SARAF: variants seen among roughly 807,000 people sequenced by gnomAD.
SARAF encodes the protein store-operated calcium entry-associated regulatory factor.
A neutral mutation model predicts 39.7 loss-of-function variants in SARAF; 23 were observed. The observed-to-expected ratio is 0.58, with a 90% CI of 0.42 to 0.82. The LOEUF (loss-of-function observed/expected upper bound fraction) is 0.82. SARAF is among the 40% of genes least tolerant of loss of function. The pLI, the probability that SARAF is intolerant of heterozygous loss-of-function variation, is 0.00. For missense variants in SARAF, 384 were observed against 418.5 expected, an observed-to-expected ratio of 0.92 and a Z score of 0.72; for synonymous variants, 175 against 168.5, an observed-to-expected ratio of 1.04 and a Z score of -0.30.
intron 2 of SARAF, among the ~76,000 whole-genome samples, chr8:30,071,626 C>T (rs1217014230): frequency 6.6e-6 from 1 of 152,196 alleles, no homozygotes; most frequent in East Asian, 1.9e-4. Context: ...ACTCTCCATT[C>T]TCCCGCCGCA....
At chr8:30,064,156 A>G (rs980616445) in intron 5 of SARAF, among the ~76,000 whole-genome samples, 3 of 152,100 alleles carry the variant, frequency 2.0e-5, no homozygotes, top group African/African-American at 7.2e-5. Context: ...GACCCCAAAA[A>G]AGAGAATGCA....
chr8:30,074,021 G>C lies in SARAF; in HGVS notation c.138C>G (p.Thr46=), dbSNP rs771378394. ...RMLLRDVKAL[T]LHYDRYTTSR... The stretch of plus-strand genomic sequence containing the variant: ...AGGTGGTATAGCGGTCATAGTGGAG[G>C]GTAAGAGCTTTTACATCCCGCAGCA... The change falls in exon 2 of 6, where the codon ACC becomes ACG. Residue 46 remains threonine (T), a synonymous_variant. Transcript: ENST00000256255. 2 of 1,613,680 alleles carry C rather than the reference G, an allele frequency of 1.2e-6. No homozygotes were observed. The highest frequency in any genetic ancestry group is 1.1e-5 in the South Asian group (1 of 91,058).
At chr8:30,072,424 G>A (rs1041157376) in intron 2 of SARAF, among the ~76,000 whole-genome samples, 1 of 152,102 alleles carries the variant, frequency 6.6e-6, no homozygotes, top group African/African-American at 2.4e-5. Flanking sequence ...ATAGTCAAAA[G>A]TTTTTCATTT....
At chr8:30,075,457 A>T (rs1801936643) in intron 1 of SARAF, among the ~76,000 whole-genome samples, 1 of 152,248 alleles carries the variant, frequency 6.6e-6, no homozygotes, top group Admixed American at 6.5e-5. Flanking sequence ...GCAAAGCAAA[A>T]GGAATCCCAA....
intron 1 of SARAF, 118 bp downstream of exon 1, chr8:30,082,729 G>A: frequency 1.4e-6 from 1 of 720,932 alleles, no homozygotes; most frequent in Non-Finnish European, 2.2e-6. Context: ...GTCAGACATG[G>A]GGAATCCGGG....
At chr8:30,072,554 G>A (rs548777644) in intron 2 of SARAF, among the ~76,000 whole-genome samples, 1 of 152,252 alleles carries the variant, frequency 6.6e-6, no homozygotes, top group East Asian at 1.9e-4. Flanking sequence ...ACTTGTATTG[G>A]TATTTCATGT....
Position 30,070,082 on chromosome 8 carries a change from A to G in SARAF, c.283-23T>C, listed in dbSNP as rs112878640. 5.5e-4 allele frequency: 866 copies of G among 1,562,298 alleles called. 2 individuals carry two copies. The African/African-American group carries it at 9.9e-3, about 18-fold the overall frequency. On this transcript the variant is annotated intron_variant, in intron 2 of 5. Coordinates refer to ENST00000256255, the MANE Select transcript of SARAF (RefSeq NM_016127.6). ...CCACTGTGAAGAAAAATAGAAACAG[A>G]CTATTAGAAACAAACATTTTTTTCA...
chr8:30,076,911 G>A (rs1360315039), intron 1 of SARAF, among the ~76,000 whole-genome samples: 1 of 152,062 alleles, frequency 6.6e-6, no homozygotes, highest in Non-Finnish European at 1.5e-5. Flanking sequence ...CTGTGGTATT[G>A]TGTTACAGTA....
Position 30,073,912 on chromosome 8 carries a change from A to C in SARAF, c.247T>G (p.Cys83Gly). The change falls in exon 2 of 6, where the codon TGT becomes GGT. Residue 83 changes from cysteine (C) to glycine (G), a missense_variant. Transcript: ENST00000256255. ...CDSYTPKVIQ[C>G]QNKGWDGYDV... Reference sequence around the variant, plus strand: ...TACCCATCCCAGCCTTTGTTCTGACACTGTATGACTTTTGGGGTATAAGAA... The same window carrying C: ...TACCCATCCCAGCCTTTGTTCTGACCCTGTATGACTTTTGGGGTATAAGAA... 6.2e-7 allele frequency: 1 copy of C among 1,614,192 alleles called. No individual in the cohort carries two copies. The highest frequency in any genetic ancestry group is 8.5e-7 in the Non-Finnish European group (1 of 1,180,030).
Position 30,066,806 on chromosome 8 carries a change from T to G in SARAF, c.813A>C (p.Gly271=). The G allele has an allele frequency of 6.2e-7, 1 of 1,614,172 alleles. No individual in the cohort carries two copies. Among genetic ancestry groups the G allele is most frequent in the Non-Finnish European group, 8.5e-7 (1 of 1,180,020 alleles). Residue 271 remains glycine (G), a synonymous_variant, in exon 4 of 6, where the codon GGA becomes GGC. Transcript: ENST00000256255. ...TGCTGCCAAACAAATATCCTAGTAT[T>G]CCACCAGTTCCCAAGCCTGTCCAGA... ...PGFWTGLGTG[G]ILGYLFGSNR...
intron 3 of SARAF, among the ~76,000 whole-genome samples, chr8:30,068,257 GC>G (rs1801737676): frequency 2.0e-5 from 3 of 152,230 alleles, no homozygotes; most frequent in Admixed American, 2.0e-4. Flanking sequence ...CCTGAGCTCA[GC>G]CTCCTGTCAG....
intron 4 of SARAF, 22 bp downstream of exon 4, chr8:30,066,755 G>A (rs756089137): frequency 2.0e-5 from 33 of 1,613,504 alleles, no homozygotes; most frequent in Non-Finnish European, 2.7e-5. Flanking sequence ...AAGAGCAAGT[G>A]AGATCAATGC....
chr8:30,081,057 T>C (rs1415734261), intron 1 of SARAF, among the ~76,000 whole-genome samples: 1 of 152,170 alleles, frequency 6.6e-6, no homozygotes, highest in Admixed American at 6.5e-5. Flanking sequence ...GAAAATCGCT[T>C]GAACCCAGGA....
intron 1 of SARAF, among the ~76,000 whole-genome samples, chr8:30,081,408 A>G (rs1276691592): frequency 1.3e-5 from 2 of 152,254 alleles, no homozygotes; most frequent in African/African-American, 2.4e-5. Flanking sequence ...TTAAAGTTTC[A>G]TTCTAGGTTT....
In SARAF at chr8:30,082,902, G is replaced by T; in HGVS notation, c.48C>A (p.Leu16=). 1 of 1,562,922 alleles carries T rather than the reference G, an allele frequency of 6.4e-7. No homozygotes were observed. The highest frequency in any genetic ancestry group is 2.4e-5 in the East Asian group (1 of 41,898). The change falls in exon 1 of 6, where the codon CTC becomes CTA. Residue 16 remains leucine (L), a synonymous_variant. Transcript: ENST00000256255. ...GPGAAGYCLL[L]GLHLFLLTAG... ...CGGTCAGCAGAAACAAATGCAAGCCGAGGAGCAAGCAGTACCCGGCCGCTC... is the reference window on the plus strand; with the variant it reads ...CGGTCAGCAGAAACAAATGCAAGCCTAGGAGCAAGCAGTACCCGGCCGCTC...
intron 1 of SARAF, chr8:30,078,152 AAG>A (rs1554527313): frequency 7.8e-4 from 245 of 314,448 alleles, no homozygotes; most frequent in Middle Eastern, 2.5e-3. Context: ...AAAAAAAAAA[AAG>A]AAAGAAAGAA....
chr8:30,069,946 C>T lies in SARAF; in HGVS notation c.396G>A (p.Leu132=), dbSNP rs79615846. 1 of 1,609,528 alleles carries T rather than the reference C, an allele frequency of 6.2e-7. No individual in the cohort carries two copies. The highest frequency in any genetic ancestry group is 8.5e-7 in the Non-Finnish European group (1 of 1,178,788). Residue 132 remains leucine (L), a synonymous_variant, in exon 3 of 6, where the codon TTG becomes TTA. Transcript: ENST00000256255. ...DQYVLRGSCG[L]EYNLDYTELG... is the part of the protein sequence containing the mutation. ...GTTCTGTATAATCTAAATTATACTC[C>T]AAGCCACAAGAACCTCTTAGTACAT...
chr8:30,070,169 G>A (rs1181736854), intron 2 of SARAF, 110 bp from the exon 3 acceptor site: 18 of 966,360 alleles, frequency 1.9e-5, no homozygotes, highest in Admixed American at 7.3e-5. Context: ...CAGCACTTTC[G>A]GAGGCCAAGG....
rs34886492 is a variant in SARAF at position 30,063,909 on chromosome 8, A to G, written c.999T>C (p.Tyr333=). 2,135 of 1,609,208 alleles carry G rather than the reference A, an allele frequency of 1.3e-3. 34 individuals are homozygous for G. In the African/African-American group the frequency reaches 0.026, roughly 19 times the overall value. The change falls in exon 6 of 6, where the codon TAT becomes TAC. Residue 333 remains tyrosine, a synonymous_variant. Transcript: ENST00000256255. The part of the protein sequence containing the change: ...SDTKTRTASG[Y]GGTRRR ...TACTTTATCGTCTCCTGGTACCACC[A>G]TATCCTAGAATGAGAGGGGTAAAAT...
Sources: gnomAD v4.1 joint callset for allele counts (sites outside exome capture counted in the v4.1 genomes callset) on GRCh38, gnomAD v4.1.1 for gene constraint, MANE v1.5 for transcripts, NCBI Gene and HGNC (gene_info 2026-07-23, HGNC 2026-07-21) for gene names.